The following TMTC1 variants were observed in gnomAD, a reference collection of about 807,000 sequenced individuals.
The protein encoded by TMTC1 is transmembrane O-mannosyltransferase targeting cadherins 1.
Under a neutral mutation model 104.8 loss-of-function variants are expected in TMTC1, and 73 were observed. The observed-to-expected ratio is 0.70, with a 90% CI of 0.58 to 0.85. The LOEUF (loss-of-function observed/expected upper bound fraction) is 0.85. TMTC1 is among the 40% of genes least tolerant of loss of function. The pLI is 0.00. For missense variants in TMTC1, 1,035 were observed against 1,096.1 expected (o/e 0.94, Z 0.79); for synonymous variants, 434 against 428.7 (o/e 1.01, Z -0.15).
At chr12:29,660,910 T>C in intron 5 of TMTC1, 1 of 1,420,004 alleles carries the variant, frequency 7.0e-7, no homozygotes. Context: ...AAAAAAAATC[T>C]TAGATAAGTG....
Position 29,506,782 on chromosome 12 carries a change from G to A in TMTC1, c.*64C>T. The A allele has an allele frequency of 6.3e-7, 1 of 1,592,072 alleles. No individual in the cohort carries two copies. The highest frequency in any genetic ancestry group is 2.2e-5 in the East Asian group (1 of 44,708). Reference sequence around the variant, plus strand: ...TGTGCCCCTGCTGATGTGAAAGCAAGGCTTCCATCACTCCCCTTTCAGAGG... The same window carrying A: ...TGTGCCCCTGCTGATGTGAAAGCAAAGCTTCCATCACTCCCCTTTCAGAGG... On this transcript the variant is annotated 3_prime_UTR_variant, in exon 18 of 18. Coordinates refer to ENST00000539277, the MANE Select transcript of TMTC1 (RefSeq NM_001193451.2).
At chr12:29,625,922 G>A (rs1937965532) in intron 6 of TMTC1, among the ~76,000 whole-genome samples, 1 of 152,148 alleles carries the variant, frequency 6.6e-6, no homozygotes, top group Non-Finnish European at 1.5e-5. Context: ...ACCAATCCAT[G>A]AGCTAAGGTC....
At chr12:29,717,675 T>C (rs1230192051) in intron 5 of TMTC1, among the ~76,000 whole-genome samples, 1 of 152,198 alleles carries the variant, frequency 6.6e-6, no homozygotes, top group Non-Finnish European at 1.5e-5. Flanking sequence ...TTTAAATGCC[T>C]CATATTAGAT....
chr12:29,732,417 T>C (rs58520450), intron 5 of TMTC1, among the ~76,000 whole-genome samples: 2,665 of 152,270 alleles, frequency 0.018, 92 homozygotes, highest in African/African-American at 0.06. Flanking sequence ...TAGGAAAGTA[T>C]TGGGAGATGA....
intron 5 of TMTC1, among the ~76,000 whole-genome samples, chr12:29,682,978 G>C (rs935036966): frequency 6.6e-6 from 1 of 152,066 alleles, no homozygotes; most frequent in Non-Finnish European, 1.5e-5. Flanking sequence ...AAAGGGGATA[G>C]AGAATCTCTC....
At chr12:29,548,289 C>T (rs1392662196) in intron 10 of TMTC1, among the ~76,000 whole-genome samples, 1 of 152,260 alleles carries the variant, frequency 6.6e-6, no homozygotes, top group East Asian at 1.9e-4. Flanking sequence ...GGATATGGAG[C>T]AAATGAATCT....
chr12:29,663,783 C>G (rs891588073), intron 5 of TMTC1, among the ~76,000 whole-genome samples: 1 of 151,426 alleles, frequency 6.6e-6, no homozygotes, highest in Non-Finnish European at 1.5e-5. Context: ...TCTCAAAGTG[C>G]TGGGATTACA....
intron 6 of TMTC1, 85 bp downstream of exon 6, chr12:29,633,062 C>G: frequency 7.8e-7 from 1 of 1,290,076 alleles, no homozygotes; most frequent in Non-Finnish European, 1.1e-6. Flanking sequence ...AATTTACACC[C>G]AGACCATCCG....
At chr12:29,611,177 CTTTT>C (rs1555176122) in intron 6 of TMTC1, among the ~76,000 whole-genome samples, 1 of 130,158 alleles carries the variant, frequency 7.7e-6, no homozygotes, top group Non-Finnish European at 1.6e-5. Context: ...TTCTGAACTT[CTTTT>C]TTTTTTTTTT....
intron 5 of TMTC1, among the ~76,000 whole-genome samples, chr12:29,664,737 T>C (rs532635216): frequency 4.3e-4 from 66 of 152,344 alleles, no homozygotes; most frequent in African/African-American, 1.6e-3. Context: ...AATACTTAAC[T>C]ATGACATCAG....
intron 5 of TMTC1, among the ~76,000 whole-genome samples, chr12:29,665,135 G>T (rs1940223792): frequency 6.6e-6 from 1 of 151,996 alleles, no homozygotes; most frequent in South Asian, 2.1e-4. Flanking sequence ...GAAAAACGAA[G>T]AAACTACCCA....
intron 5 of TMTC1, among the ~76,000 whole-genome samples, chr12:29,703,332 T>C (rs1250265542): frequency 1.3e-5 from 2 of 152,140 alleles, no homozygotes; most frequent in Non-Finnish European, 2.9e-5. Flanking sequence ...CAAAAGGAAA[T>C]AACTTTCTTT....
intron 10 of TMTC1, among the ~76,000 whole-genome samples, chr12:29,553,447 C>G (rs1400030981): frequency 6.6e-6 from 1 of 152,162 alleles, no homozygotes; most frequent in Non-Finnish European, 1.5e-5. Flanking sequence ...GATACAGCCA[C>G]TTGGCTCTAT....
chr12:29,694,164 G>C (rs1176221415), intron 5 of TMTC1, among the ~76,000 whole-genome samples: 1 of 152,024 alleles, frequency 6.6e-6, no homozygotes, highest in Non-Finnish European at 1.5e-5. Context: ...TTTTCACACT[G>C]TACTATAACG....
chr12:29,590,562 A>C (rs564253643), intron 7 of TMTC1, among the ~76,000 whole-genome samples: 28 of 152,300 alleles, frequency 1.8e-4, no homozygotes, highest in Admixed American at 1.8e-3. Context: ...CAAGGCGGGC[A>C]GATCAGGAGG....
intron 7 of TMTC1, among the ~76,000 whole-genome samples, chr12:29,594,397 T>C (rs1159994233): frequency 2.6e-5 from 4 of 152,266 alleles, no homozygotes; most frequent in African/African-American, 7.2e-5. Flanking sequence ...TGCATAGGCA[T>C]AGGCCTCATA....
Position 29,572,206 on chromosome 12 carries a change from T to C in TMTC1, c.1431A>G (p.Gln477=), listed in dbSNP as rs1275110184. 1.9e-6 allele frequency: 3 copies of C among 1,613,322 alleles called. No individual in the cohort carries two copies. Among genetic ancestry groups the C allele is most frequent in the Non-Finnish European group, 2.5e-6 (3 of 1,179,304 alleles). ...SRESLFRSGV[Q]TLPHNAKVHY... ...GAACCTTGGCATTGTGGGGCAGAGTTTGAACTCCAGACCTAAAATGAATAA... is the reference window on the plus strand; with the variant it reads ...GAACCTTGGCATTGTGGGGCAGAGTCTGAACTCCAGACCTAAAATGAATAA... The change falls in exon 9 of 18, where the codon CAA becomes CAG. Residue 477 remains glutamine, a synonymous_variant. Coordinates refer to ENST00000539277, the MANE Select transcript of TMTC1 (RefSeq NM_001193451.2).
intron 6 of TMTC1, among the ~76,000 whole-genome samples, chr12:29,632,191 A>T (rs1465233776): frequency 6.6e-6 from 1 of 152,240 alleles, no homozygotes; most frequent in Non-Finnish European, 1.5e-5. Flanking sequence ...AATTCCAACC[A>T]GTAAACTTAT....
chr12:29,716,588 T>A (rs1023882644), intron 5 of TMTC1, among the ~76,000 whole-genome samples: 5 of 152,154 alleles, frequency 3.3e-5, no homozygotes. Context: ...CTAATTTATT[T>A]ATAGATTTTT....
Sources: gnomAD v4.1 joint callset for allele counts (sites outside exome capture counted in the v4.1 genomes callset) on GRCh38, gnomAD v4.1.1 for gene constraint, MANE v1.5 for transcripts, NCBI Gene and HGNC (gene_info 2026-07-23, HGNC 2026-07-21) for gene names.